Variants in SNX5 observed in about 807,000 individuals in gnomAD.
SNX5 encodes sorting nexin 5, also known as sorting nexin-5.
SNX5 carries 31 observed loss-of-function variants against 53.9 expected under a neutral mutation model. That is an observed-to-expected ratio of 0.58 (90% confidence interval 0.43 to 0.78). The LOEUF (loss-of-function observed/expected upper bound fraction) is 0.78. SNX5 is among the 30% of genes least tolerant of loss of function. The pLI is 0.00. For missense variants in SNX5, 471 were observed against 478.8 expected (o/e 0.98, Z 0.15); for synonymous variants, 168 against 171.1 (o/e 0.98, Z 0.14).
At position 17,950,271 on chromosome 20, in the gene SNX5, T is replaced by C. The variant is rs1211475756; in HGVS notation, c.715+20A>G. 6.2e-7 allele frequency: 1 copy of C among 1,608,250 alleles called. No homozygotes were observed. The highest frequency in any genetic ancestry group is 2.2e-5 in the East Asian group (1 of 44,852). On this transcript the variant is annotated intron_variant, in intron 7 of 12. Transcript: ENST00000377759. ...CCAGGCTCATCAGCAAAGCTCTGAC[T>C]AGCGGTAAATGATATTTACTTTTAT...
intron 11 of SNX5, among the ~76,000 whole-genome samples, chr20:17,946,439 C>A (rs1342049849): frequency 2.0e-5 from 3 of 152,190 alleles, no homozygotes; most frequent in Admixed American, 6.5e-5. Flanking sequence ...TAGGCTGTTA[C>A]AACCACATGC....
chr20:17,956,673 C>CA (rs59252584), intron 2 of SNX5, among the ~76,000 whole-genome samples: 1,294 of 84,748 alleles, frequency 0.015, 104 homozygotes, highest in Non-Finnish European at 0.021. Flanking sequence ...AGACTGTCTC[C>CA]AAAAAAAAAA....
In SNX5 at chr20:17,954,133, G is replaced by A. The variant is rs1317846213; in HGVS notation, c.268-16C>T. 1.2e-6 allele frequency: 2 copies of A among 1,612,698 alleles called. No homozygotes were observed. The highest frequency in any genetic ancestry group is 1.1e-5 in the South Asian group (1 of 90,888). On this transcript the variant is annotated splice_polypyrimidine_tract_variant and intron_variant, in intron 3 of 12. Coordinates refer to ENST00000377759, the MANE Select transcript of SNX5 (RefSeq NM_014426.4). ...CAGGTGGAATCTGCAGCAGAGGCAG[G>A]AACTCATGAGCCTCTTGTCCCAGCA...
rs976703909 is a variant in SNX5 at position 17,968,335 on chromosome 20, G to A, written c.51+40C>T. 3.4e-5 allele frequency: 43 copies of A among 1,256,000 alleles called. No individual in the cohort carries two copies. The African/African-American group carries it at 6.2e-4, about 18-fold the overall frequency. 77.8% of individuals were successfully genotyped at this position (1,256,000 alleles called of 1,614,324 possible). On this transcript the variant is annotated intron_variant, in intron 1 of 12. Transcript: ENST00000377759. Reference sequence around the variant, plus strand: ...GAATGCAGCGACCCCGGAGCTCGCAGGGCCGCCCGCCCAGGAGTCTGAGGC... The same window carrying A: ...GAATGCAGCGACCCCGGAGCTCGCAAGGCCGCCCGCCCAGGAGTCTGAGGC...
In SNX5 at chr20:17,968,704, G is replaced by C; in HGVS notation, c.-279C>G. The C allele has an allele frequency of 2.0e-6, 1 of 496,826 alleles. No homozygotes were observed. Among genetic ancestry groups the C allele is most frequent in the South Asian group, 2.1e-5 (1 of 48,048 alleles). The allele number at this position is 496,826 out of a possible 1,614,324, so 30.8% of individuals were successfully genotyped here. ...AAGACGCCACGTGGGGCCTACCCTT[G>C]CTCCGCTCCACGAGGAGGCCGCCAA... is the stretch of plus-strand genomic sequence containing the variant. On this transcript the variant is annotated 5_prime_UTR_variant, in exon 1 of 13. Coordinates refer to ENST00000377759, the MANE Select transcript of SNX5 (RefSeq NM_014426.4).
chr20:17,957,402 T>C (rs996838914), intron 1 of SNX5, among the ~76,000 whole-genome samples: 3 of 146,302 alleles, frequency 2.1e-5, no homozygotes, highest in Non-Finnish European at 3.0e-5. Context: ...ACCACTGCAC[T>C]CTAGCCTGGG....
At chr20:17,955,246 G>A in intron 3 of SNX5, 119 bp downstream of exon 3, 1 of 672,382 alleles carries the variant, frequency 1.5e-6, no homozygotes, top group African/African-American at 1.8e-5. Context: ...AAATACTCCA[G>A]TAGGTAGATG....
chr20:17,967,957 T>C lies in SNX5; in HGVS notation c.51+418A>G, dbSNP rs56860307. 2,473 of 396,940 alleles carry C rather than the reference T, an allele frequency of 6.2e-3. 51 individuals are homozygous for C. The highest frequency in any genetic ancestry group is 0.046 in the African/African-American group (2,253 of 48,662). 24.6% of individuals were successfully genotyped at this position (396,940 alleles called of 1,614,324 possible). A position where few individuals can be genotyped will look rare whatever the true frequency, so the allele number is the denominator to read the frequency against. On this transcript the variant is annotated intron_variant, in intron 1 of 12. Transcript: ENST00000377759. ...CCCCCCCCCAAAAAAGTCTTCTCAGTAAAAGGTGGGGGGAAGGAGGGTATT... is the reference window on the plus strand; with the variant it reads ...CCCCCCCCCAAAAAAGTCTTCTCAGCAAAAGGTGGGGGGAAGGAGGGTATT...
At chr20:17,962,285 A>AC (rs1280168143) in intron 1 of SNX5, 3 of 146,310 alleles carry the variant, frequency 2.1e-5, no homozygotes, top group Non-Finnish European at 4.2e-5. Flanking sequence ...CGCGACCTCC[A>AC]CCCCCGGGGT....
rs781638399 is a variant in SNX5, at chr20:17,968,551, C to A, written c.-126G>T. On this transcript the variant is annotated 5_prime_UTR_variant, in exon 1 of 13. Coordinates refer to ENST00000377759, the MANE Select transcript of SNX5 (RefSeq NM_014426.4). ...CCCCGCCTCCGCCGGCCTCCCTGCCCGACGGCGGCAGGAGGCCTCCGGACT... is the reference window on the plus strand; with the variant it reads ...CCCCGCCTCCGCCGGCCTCCCTGCCAGACGGCGGCAGGAGGCCTCCGGACT... 1.2e-4 allele frequency: 114 copies of A among 927,544 alleles called. 1 individual carries two copies. The highest frequency in any genetic ancestry group is 1.0e-3 in the South Asian group (56 of 53,674). The allele number at this position is 927,544 out of a possible 1,614,324, so 57.5% of individuals were successfully genotyped here.
At chr20:17,960,598 AAAAC>A (rs1337588730) in intron 1 of SNX5, among the ~76,000 whole-genome samples, 1,585 of 151,298 alleles carry the variant, frequency 0.01, 30 homozygotes, top group African/African-American at 0.036. Flanking sequence ...CCGTCTTAAA[AAAAC>A]AAACAAACAA....
chr20:17,949,001 A>G (rs1013911303), intron 9 of SNX5, 25 bp from the exon 10 acceptor site: 9 of 1,609,430 alleles, frequency 5.6e-6, no homozygotes, highest in Non-Finnish European at 7.6e-6. Flanking sequence ...AAAGGTCACC[A>G]TCAAGGCAGA....
At chr20:17,963,323 A>G (rs1873829444) in intron 1 of SNX5, among the ~76,000 whole-genome samples, 1 of 152,062 alleles carries the variant, frequency 6.6e-6, no homozygotes, top group Admixed American at 6.5e-5. Flanking sequence ...AAAATCACCT[A>G]GGCTCGGTGG....
At chr20:17,946,488 CA>C (rs2039489408) in intron 11 of SNX5, among the ~76,000 whole-genome samples, 1 of 152,120 alleles carries the variant, frequency 6.6e-6, no homozygotes, top group Non-Finnish European at 1.5e-5. Flanking sequence ...TCTGGACAGG[CA>C]TCAAAAATAA....
At chr20:17,967,806 C>G (rs1207573995) in intron 1 of SNX5, 2 of 358,104 alleles carry the variant, frequency 5.6e-6, no homozygotes, top group Non-Finnish European at 9.9e-6. Flanking sequence ...AAAATAGACA[C>G]CAAGTTCAGC....
In SNX5 at chr20:17,947,614, A is replaced by G. The variant is rs761246039; in HGVS notation, c.950T>C (p.Ile317Thr). Reference sequence around the variant, plus strand: ...AGCTTTGTTTGAGTTCTCATAGTCAATGAGGGCTTTGGTGCGTCTGTATAA... The same window carrying G: ...AGCTTTGTTTGAGTTCTCATAGTCAGTGAGGGCTTTGGTGCGTCTGTATAA... Reference protein sequence around the residue: ...DLLYRRTKALIDYENSNKALD... With the variant: ...DLLYRRTKALTDYENSNKALD... The change falls in exon 11 of 13, where the codon ATT becomes ACT. Residue 317 changes from isoleucine (I) to threonine (T), a missense_variant. Physicochemically the swap from Ile to Thr is moderately conservative, Grantham distance 89. Transcript: ENST00000377759. The G allele has an allele frequency of 8.7e-6, 14 of 1,613,864 alleles. No homozygotes were observed. Among genetic ancestry groups the G allele is most frequent in the East Asian group, 2.2e-5 (1 of 44,894 alleles).
intron 11 of SNX5, chr20:17,943,513 A>G (rs1201807489): frequency 7.2e-6 from 2 of 277,364 alleles, no homozygotes; most frequent in Non-Finnish European, 1.4e-5. Flanking sequence ...GACTGGGAAC[A>G]GGGCTGGAGT....
rs1208446646 is a variant in SNX5, at chr20:17,968,656, G to A, written c.-231C>T. The A allele has an allele frequency of 5.0e-6, 3 of 605,968 alleles. No homozygotes were observed. Among genetic ancestry groups the A allele is most frequent in the Non-Finnish European group, 9.0e-6 (3 of 333,726 alleles). The allele number at this position is 605,968 out of a possible 1,614,324, so 37.5% of individuals were successfully genotyped here. On this transcript the variant is annotated 5_prime_UTR_variant, in exon 1 of 13. Coordinates refer to ENST00000377759, the MANE Select transcript of SNX5 (RefSeq NM_014426.4). ...CCAGAGCAGCCTCCCAGTCCCCGCTGCCGTCCATCTTGGAGCCGGGCAAAG... is the reference window on the plus strand; with the variant it reads ...CCAGAGCAGCCTCCCAGTCCCCGCTACCGTCCATCTTGGAGCCGGGCAAAG...
In SNX5 at chr20:17,943,190, T is replaced by C. The variant is rs752166913; in HGVS notation, c.1084A>G (p.Ile362Val). 6.2e-7 allele frequency: 1 copy of C among 1,601,238 alleles called. No individual in the cohort carries two copies. The highest frequency in any genetic ancestry group is 2.2e-5 in the East Asian group (1 of 44,814). The change falls in exon 12 of 13, where the codon ATA (isoleucine) becomes GTA (valine). Residue 362 changes from isoleucine (I) to valine (V), a missense_variant. By Grantham distance (29) the Ile-to-Val change is conservative. Transcript: ENST00000377759. ...GCCACTCTCTTCCGTTTGAAATTTA[T>C]CAGTTCTACAGGAAGAAAAAATGTT... ...QLSESAKEELINFKRKRVAAF... is the reference protein window; with the variant it reads ...QLSESAKEELVNFKRKRVAAF...
Sources: gnomAD v4.1 joint callset for allele counts (sites outside exome capture counted in the v4.1 genomes callset) on GRCh38, gnomAD v4.1.1 for gene constraint, MANE v1.5 for transcripts, NCBI Gene and HGNC (gene_info 2026-07-23, HGNC 2026-07-21) for gene names.